The following GRM3 variants were observed in gnomAD, a reference collection of about 807,000 sequenced individuals.
The protein encoded by GRM3 is metabotropic glutamate receptor 3.
GRM3 carries 26 observed loss-of-function variants against 70.5 expected under a neutral mutation model. The observed-to-expected ratio is 0.37, with a 90% confidence interval of 0.27 to 0.51. The LOEUF is 0.51. Ranked by LOEUF, GRM3 falls within the 20% of genes least tolerant of loss-of-function variation. The pLI is 0.93. For synonymous variants in GRM3, 443 were observed against 434.9 expected, an observed-to-expected ratio of 1.02 and a Z score of -0.23; for missense variants, 859 against 1,123.8, an observed-to-expected ratio of 0.76 and a Z score of 3.37.
At chr7:86,722,953 A>T (rs968277574) in intron 1 of GRM3, among the ~76,000 whole-genome samples, 47 of 152,188 alleles carry the variant, frequency 3.1e-4, no homozygotes, top group Middle Eastern at 3.4e-3. Flanking sequence ...TAACATATTT[A>T]TTCCACCTTT....
chr7:86,767,580 A>G (rs1796638788), intron 2 of GRM3, among the ~76,000 whole-genome samples: 1 of 146,208 alleles, frequency 6.8e-6, no homozygotes, highest in South Asian at 2.2e-4. Context: ...GAAACATTTC[A>G]TATATGTGTA....
At chr7:86,691,136 A>C (rs1308585586) in intron 1 of GRM3, among the ~76,000 whole-genome samples, 1 of 152,158 alleles carries the variant, frequency 6.6e-6, no homozygotes, top group African/African-American at 2.4e-5. Flanking sequence ...TTCCCTAGTC[A>C]TTCATCAGCA....
chr7:86,721,055 A>G (rs1216372765), intron 1 of GRM3, among the ~76,000 whole-genome samples: 1 of 152,060 alleles, frequency 6.6e-6, no homozygotes, highest in East Asian at 1.9e-4. Context: ...CCCCAAAGGG[A>G]AGCTAATACT....
Position 86,760,938 on chromosome 7 carries a change from A to G in GRM3, c.-140-4068A>G, listed in dbSNP as rs1457917004. ...CTGCATATCTAATTTTTAAATTTAT[A>G]TAACACATGTAGTATGAATAAATCA... On this transcript the variant is annotated intron_variant, in intron 1 of 5. Transcript: ENST00000361669. 2.0e-5 allele frequency among the ~76,000 whole-genome samples: 3 copies of G among 152,124 alleles called. 1 individual carries two copies. The highest frequency in any genetic ancestry group is 3.9e-4 in the East Asian group (2 of 5,188).
chr7:86,776,446 A>C (rs1340053903), intron 2 of GRM3, among the ~76,000 whole-genome samples: 2 of 152,110 alleles, frequency 1.3e-5, no homozygotes, highest in Non-Finnish European at 2.9e-5. Context: ...ACAATGAATA[A>C]CACAATTCTG....
At chr7:86,860,948 T>C (rs17161067) in intron 5 of GRM3, among the ~76,000 whole-genome samples, 18,159 of 152,252 alleles carry the variant, frequency 0.12, 1,369 homozygotes, top group African/African-American at 0.22. Flanking sequence ...ATTTGAATCC[T>C]AGGCCTTAGT....
At chr7:86,744,513 C>A (rs1309260827) in intron 1 of GRM3, among the ~76,000 whole-genome samples, 2 of 151,570 alleles carry the variant, frequency 1.3e-5, no homozygotes. Flanking sequence ...GCATGAGGTT[C>A]CAAGGCAGGA....
At chr7:86,708,600 C>CA (rs1334741514) in intron 1 of GRM3, among the ~76,000 whole-genome samples, 1 of 152,040 alleles carries the variant, frequency 6.6e-6, no homozygotes, top group Non-Finnish European at 1.5e-5. Context: ...AGAGGGGTGC[C>CA]ACGTCAACGA....
chr7:86,851,098 T>A (rs1222189960), intron 5 of GRM3, among the ~76,000 whole-genome samples: 4 of 152,186 alleles, frequency 2.6e-5, no homozygotes, highest in South Asian at 2.1e-4. Flanking sequence ...TTATAGGTTT[T>A]GAGAATCTCT....
intron 1 of GRM3, among the ~76,000 whole-genome samples, chr7:86,666,538 A>C (rs188033366): frequency 6.6e-6 from 1 of 152,240 alleles, no homozygotes; most frequent in African/African-American, 2.4e-5. Context: ...TGGAAGTTAC[A>C]TGAAACAGAA....
chr7:86,681,550 T>A (rs1428321783), intron 1 of GRM3, among the ~76,000 whole-genome samples: 1 of 152,116 alleles, frequency 6.6e-6, no homozygotes, highest in Non-Finnish European at 1.5e-5. Flanking sequence ...GTTTTTTAAT[T>A]TAGCAAAGAC....
chr7:86,801,164 G>A (rs1281209206), intron 3 of GRM3, among the ~76,000 whole-genome samples: 2 of 138,724 alleles, frequency 1.4e-5, no homozygotes, highest in Admixed American at 7.9e-5. Context: ...TCTGCCTCCC[G>A]AGTTCAAGCA....
At chr7:86,738,146 G>A (rs944804937) in intron 1 of GRM3, among the ~76,000 whole-genome samples, 2 of 152,102 alleles carry the variant, frequency 1.3e-5, no homozygotes, top group African/African-American at 4.8e-5. Flanking sequence ...GCCACCATAG[G>A]GATGGACAGC....
chr7:86,728,787 G>A (rs1346703869), intron 1 of GRM3, among the ~76,000 whole-genome samples: 1 of 152,182 alleles, frequency 6.6e-6, no homozygotes, highest in African/African-American at 2.4e-5. Flanking sequence ...AGCAGGTAGT[G>A]AAACTGGTAA....
At chr7:86,650,931 T>C (rs183574089) in intron 1 of GRM3, among the ~76,000 whole-genome samples, 1 of 152,310 alleles carries the variant, frequency 6.6e-6, no homozygotes, top group Admixed American at 6.5e-5. Context: ...GTAGTAATGG[T>C]TCATCTTTAT....
intron 1 of GRM3, among the ~76,000 whole-genome samples, chr7:86,687,924 C>T (rs1794603621): frequency 6.6e-6 from 1 of 151,168 alleles, no homozygotes; most frequent in South Asian, 2.1e-4. Flanking sequence ...TTTTAAGGTA[C>T]AAATGTCATA....
At chr7:86,858,727 G>C (rs1798898202) in intron 5 of GRM3, among the ~76,000 whole-genome samples, 1 of 152,164 alleles carries the variant, frequency 6.6e-6, no homozygotes, top group Admixed American at 6.5e-5. Context: ...TCATTAAAAA[G>C]GGTCATGACA....
rs765776830 is a variant in GRM3, at chr7:86,838,915, C to T, written c.1401C>T (p.Asn467=). 1.1e-5 allele frequency: 17 copies of T among 1,613,338 alleles called. No individual in the cohort carries two copies. The highest frequency in any genetic ancestry group is 2.7e-5 in the African/African-American group (2 of 74,886). ...DTFGDGMGRY[N]VFNFQNVGGK... is the part of the protein sequence containing the mutation. ...TTGGAGATGGAATGGGGCGATACAA[C>T]GTGTTCAATTTCCAAAATGTAGGTG... Residue 467 remains asparagine, a synonymous_variant, in exon 4 of 6, where the codon AAC becomes AAT. Coordinates refer to ENST00000361669, the MANE Select transcript of GRM3 (RefSeq NM_000840.3).
intron 1 of GRM3, among the ~76,000 whole-genome samples, chr7:86,651,774 T>G (rs752326712): frequency 6.6e-6 from 1 of 152,270 alleles, no homozygotes; most frequent in Non-Finnish European, 1.5e-5. Context: ...ATCTCTTCCA[T>G]AGATTTTGTT....
Sources: allele counts gnomAD v4.1 joint callset (sites outside exome capture counted in the v4.1 genomes callset), GRCh38; gene constraint gnomAD v4.1.1; transcripts MANE v1.5; gene names NCBI Gene and HGNC (gene_info 2026-07-23, HGNC 2026-07-21).